Variants in CNOT6L observed in about 807,000 individuals in gnomAD.
The protein encoded by CNOT6L is CCR4-NOT transcription complex subunit 6 like.
In CNOT6L, 7 loss-of-function variants were observed where a neutral mutation model predicts 64.0. That is an observed-to-expected ratio of 0.11 (90% CI 0.06 to 0.21). The LOEUF is 0.21. Ranked by LOEUF, CNOT6L falls within the 10% of genes least tolerant of loss-of-function variation. The pLI is 1.00. For synonymous variants in CNOT6L, 193 were observed against 243.4 expected, an observed-to-expected ratio of 0.79 and a Z score of 1.93; for missense variants, 245 against 669.0, an observed-to-expected ratio of 0.37 and a Z score of 6.99.
rs201499481 is a variant in CNOT6L at position 77,714,438 on chromosome 4, TAAAAA to T, written c.*5988_*5992del. 51 of 134,524 alleles carry T rather than the reference TAAAAA, an allele frequency of 3.8e-4. No homozygotes were observed. Among genetic ancestry groups the T allele is most frequent in the Non-Finnish European group, 5.7e-4 (37 of 64,614 alleles). 8.3% of individuals were successfully genotyped at this position (134,524 alleles called of 1,614,324 possible). A position where few individuals can be genotyped will look rare whatever the true frequency, so the allele number is the denominator to read the frequency against. On this transcript the variant is annotated 3_prime_UTR_variant, in exon 12 of 12. Transcript: ENST00000504123. Reference sequence around the variant, plus strand: ...AGAAAAAGTACATACACACTCTCTTTAAAAAAAAAAAAAAAAAAAAAAAAAAAAAA... The same window carrying T: ...AGAAAAAGTACATACACACTCTCTTTAAAAAAAAAAAAAAAAAAAAAAAAA...
At chr4:77,798,515 C>T (rs1310433821) in intron 1 of CNOT6L, among the ~76,000 whole-genome samples, 1 of 152,012 alleles carries the variant, frequency 6.6e-6, no homozygotes, top group Non-Finnish European at 1.5e-5. Context: ...ACATAAGATG[C>T]TTTAGTCATT....
chr4:77,778,563 G>A (rs576854231), intron 1 of CNOT6L, among the ~76,000 whole-genome samples: 1 of 151,934 alleles, frequency 6.6e-6, no homozygotes, highest in Admixed American at 6.5e-5. Flanking sequence ...GTGTCACCAC[G>A]CCTGGCTAAT....
chr4:77,812,204 G>A (rs1255236513), intron 1 of CNOT6L, among the ~76,000 whole-genome samples: 2 of 151,978 alleles, frequency 1.3e-5, no homozygotes, highest in African/African-American at 2.4e-5. Context: ...CTGCACTTTG[G>A]GAGGCTGAGG....
rs1224080931 is a variant in CNOT6L at position 77,718,078 on chromosome 4, GT to G, written c.*2352del. ...CCCTCTACATTTAACTATTAAAAAAGTTTTTTATTAATAAATGGGCTCCTCT... is the reference window on the plus strand; with the variant it reads ...CCCTCTACATTTAACTATTAAAAAAGTTTTTATTAATAAATGGGCTCCTCT... On this transcript the variant is annotated 3_prime_UTR_variant, in exon 12 of 12. Transcript: ENST00000504123. 1 of 151,932 alleles carries G rather than the reference GT, an allele frequency of 6.6e-6. No individual in the cohort carries two copies. Among genetic ancestry groups the G allele is most frequent in the Non-Finnish European group, 1.5e-5 (1 of 67,892 alleles). The allele number at this position is 151,932 out of a possible 1,614,324, so 9.4% of individuals were successfully genotyped here.
intron 1 of CNOT6L, among the ~76,000 whole-genome samples, chr4:77,792,079 C>T (rs540572499): frequency 1.8e-4 from 27 of 152,236 alleles, no homozygotes; most frequent in Non-Finnish European, 3.2e-4. Context: ...CCATGGATAA[C>T]AGATTATCCC....
In CNOT6L at chr4:77,742,032, T is replaced by A. The variant is rs1723656592; in HGVS notation, c.872+109A>T. 4.0e-6 allele frequency: 4 copies of A among 989,934 alleles called. No individual in the cohort carries two copies. In the Admixed American group the frequency reaches 1.1e-4, roughly 28 times the overall value. The allele number at this position is 989,934 out of a possible 1,614,324, so 61.3% of individuals were successfully genotyped here. On this transcript the variant is annotated intron_variant, in intron 8 of 11. Coordinates refer to ENST00000504123, the MANE Select transcript of CNOT6L (RefSeq NM_144571.3). ...CAACAGTTTTAAGTTGCATAATACT[T>A]GTTTTCTAGCTTTCTGTTGATTTTA...
At position 77,720,993 on chromosome 4, in the gene CNOT6L, G is replaced by A. The variant is rs1721214699; in HGVS notation, c.1456-350C>T. On this transcript the variant is annotated intron_variant, in intron 11 of 11. Transcript: ENST00000504123. Reference sequence around the variant, plus strand: ...TAATGGAGCCTGTACTAATCCTATTGGCTATAATAAGTAGAAAATAAGAAT... The same window carrying A: ...TAATGGAGCCTGTACTAATCCTATTAGCTATAATAAGTAGAAAATAAGAAT... Among the ~76,000 whole-genome samples, 3 of 152,058 alleles carry A rather than the reference G, an allele frequency of 2.0e-5. No individual in the cohort carries two copies. The South Asian group carries it at 6.2e-4, about 32-fold the overall frequency.
At position 77,776,320 on chromosome 4, in the gene CNOT6L, C is replaced by T. The variant is rs1372964010; in HGVS notation, c.78G>A (p.Glu26=). The change falls in exon 2 of 12, where the codon GAG becomes GAA. Residue 26 remains glutamate, a synonymous_variant. Transcript: ENST00000504123. ...PRRIYTIMSA[E]EVANGKKSHW... Reference sequence around the variant, plus strand: ...GAGATTTTTTCCCATTGGCTACCTCCTCTGCTGACATGATGGTATAAATTC... The same window carrying T: ...GAGATTTTTTCCCATTGGCTACCTCTTCTGCTGACATGATGGTATAAATTC... 1 of 1,611,616 alleles carries T rather than the reference C, an allele frequency of 6.2e-7. No individual in the cohort carries two copies. Among genetic ancestry groups the T allele is most frequent in the African/African-American group, 1.3e-5 (1 of 74,762 alleles).
chr4:77,719,435 AAC>A lies in CNOT6L; in HGVS notation c.*994_*995del, dbSNP rs1192919363. ...CAACAGCCACATAATCTATGTTGGA[AAC>A]ACATAAAATATCTGTATGATTTTCC... On this transcript the variant is annotated 3_prime_UTR_variant, in exon 12 of 12. Transcript: ENST00000504123. 1 of 152,614 alleles carries A rather than the reference AAC, an allele frequency of 6.6e-6. No individual in the cohort carries two copies. The highest frequency in any genetic ancestry group is 1.5e-5 in the Non-Finnish European group (1 of 68,030). The allele number at this position is 152,614 out of a possible 1,614,324, so 9.5% of individuals were successfully genotyped here.
At chr4:77,797,695 G>A (rs1731027382) in intron 1 of CNOT6L, among the ~76,000 whole-genome samples, 1 of 152,090 alleles carries the variant, frequency 6.6e-6, no homozygotes, top group Admixed American at 6.5e-5. Flanking sequence ...CGTATAGTGA[G>A]GTTGCCAAAA....
At chr4:77,796,530 T>G (rs1730871675) in intron 1 of CNOT6L, among the ~76,000 whole-genome samples, 1 of 152,184 alleles carries the variant, frequency 6.6e-6, no homozygotes, top group Admixed American at 6.5e-5. Context: ...TCTGCCATGA[T>G]TCTACGTTTC....
At chr4:77,735,061 AC>A (rs1722799618) in intron 8 of CNOT6L, among the ~76,000 whole-genome samples, 1 of 152,162 alleles carries the variant, frequency 6.6e-6, no homozygotes, top group Admixed American at 6.6e-5. Context: ...AAAGCTGCCT[AC>A]TCATGGTCAC....
Position 77,716,537 on chromosome 4 carries a change from CTT to C in CNOT6L, c.*3892_*3893del, listed in dbSNP as rs1308986934. ...AAACGCTTGGAAATGCAAATATAAA[CTT>C]AAATTTTCACCCATTTAACAATATA... On this transcript the variant is annotated 3_prime_UTR_variant, in exon 12 of 12. Coordinates refer to ENST00000504123, the MANE Select transcript of CNOT6L (RefSeq NM_144571.3). 2.0e-5 allele frequency: 3 copies of C among 152,042 alleles called. No individual in the cohort carries two copies. The highest frequency in any genetic ancestry group is 6.6e-5 in the Admixed American group (1 of 15,234). The allele number at this position is 152,042 out of a possible 1,614,324, so 9.4% of individuals were successfully genotyped here. A position where few individuals can be genotyped will look rare whatever the true frequency, so the allele number is the denominator to read the frequency against.
chr4:77,734,299 C>T (rs556778018), intron 8 of CNOT6L, among the ~76,000 whole-genome samples: 1 of 152,174 alleles, frequency 6.6e-6, no homozygotes, highest in East Asian at 1.9e-4. Context: ...TCACTTATAA[C>T]CCAATACCTC....
At chr4:77,802,595 A>T (rs1331059397) in intron 1 of CNOT6L, among the ~76,000 whole-genome samples, 1 of 152,178 alleles carries the variant, frequency 6.6e-6, no homozygotes, top group African/African-American at 2.4e-5. Context: ...TTTTAACTAG[A>T]CTGATAGAAG....
intron 4 of CNOT6L, 85 bp downstream of exon 4, chr4:77,772,996 C>T: frequency 1.3e-6 from 1 of 751,694 alleles, no homozygotes; most frequent in East Asian, 2.7e-5. Context: ...CATTCTAAAA[C>T]TCATACTAAA....
chr4:77,730,690 A>G (rs1722351131), intron 9 of CNOT6L, among the ~76,000 whole-genome samples: 1 of 152,128 alleles, frequency 6.6e-6, no homozygotes, highest in East Asian at 1.9e-4. Context: ...ACACATATGC[A>G]TGGTCTGAAT....
chr4:77,718,498 C>CTGGTACTTTAACATTTT lies in CNOT6L; in HGVS notation c.*1916_*1932dup, dbSNP rs1383341347. 2 of 152,480 alleles carry CTGGTACTTTAACATTTT rather than the reference C, an allele frequency of 1.3e-5. No homozygotes were observed. The highest frequency in any genetic ancestry group is 2.4e-5 in the African/African-American group (1 of 41,406). The allele number at this position is 152,480 out of a possible 1,614,324, so 9.4% of individuals were successfully genotyped here. A position where few individuals can be genotyped will look rare whatever the true frequency, so the allele number is the denominator to read the frequency against. ...GGTTGTTTCTTTTTGTTTGTTTATC[C>CTGGTACTTTAACATTTT]TGGTACTTTAACATTTTTAAAAGAT... On this transcript the variant is annotated 3_prime_UTR_variant, in exon 12 of 12. Coordinates refer to ENST00000504123, the MANE Select transcript of CNOT6L (RefSeq NM_144571.3).
chr4:77,755,596 T>G (rs1332810142), intron 5 of CNOT6L, among the ~76,000 whole-genome samples: 1 of 152,192 alleles, frequency 6.6e-6, no homozygotes, highest in East Asian at 1.9e-4. Context: ...ATATTCCTAA[T>G]TCTTTACTAA....
Sources: gnomAD v4.1 joint callset for allele counts (sites outside exome capture counted in the v4.1 genomes callset) on GRCh38, gnomAD v4.1.1 for gene constraint, MANE v1.5 for transcripts, NCBI Gene and HGNC (gene_info 2026-07-23, HGNC 2026-07-21) for gene names.